The following XPC variants were observed in gnomAD, a reference collection of about 807,000 sequenced individuals.
XPC encodes XPC complex subunit, DNA damage recognition and repair factor, also known as DNA repair protein complementing XP-C cells.
A neutral mutation model predicts 95.8 loss-of-function variants in XPC; 76 were observed. The ratio of observed to expected loss-of-function variants is 0.79; its 90% confidence interval spans 0.66 to 0.96. XPC has a LOEUF of 0.96. XPC is among the 40% of genes least tolerant of loss of function. XPC has a pLI of 0.00. For missense variants in XPC, 1,146 were observed against 1,179.8 expected, an observed-to-expected ratio of 0.97 and a Z score of 0.42; for synonymous variants, 442 against 442.1, an observed-to-expected ratio of 1.00 and a Z score of 0.00.
In XPC at chr3:14,158,293, C is replaced by T. The variant is rs1425274164; in HGVS notation, c.1590G>A (p.Gln530=). ...AEKRSIAGID[Q]WLEVFCEQEE... The stretch of plus-strand genomic sequence containing the variant: ...CCTGCTCACAGAACACCTCTAGCCA[C>T]TGGTCTATACCAGCTATGCTTCTTT... Residue 530 remains glutamine (Q), a synonymous_variant, in exon 9 of 16, where the codon CAG becomes CAA. Transcript: ENST00000285021. The surrounding 1 kb of genome is among the most constrained non-coding windows in gnomAD (Gnocchi z 5.2). 2 of 1,614,066 alleles carry T rather than the reference C, an allele frequency of 1.2e-6. No individual in the cohort carries two copies. The highest frequency in any genetic ancestry group is 2.2e-5 in the East Asian group (1 of 44,878).
In XPC at chr3:14,150,168, G is replaced by A. The variant is rs540481994; in HGVS notation, c.2116-1220C>T. Among the ~76,000 whole-genome samples, 4 of 152,364 alleles carry A rather than the reference G, an allele frequency of 2.6e-5. No homozygotes were observed. The East Asian group carries it at 7.7e-4, about 29-fold the overall frequency. ...GGCCAAGGCCAAGATCTTCCCTGGG[G>A]AGTGAAGTGGTGAGAGGGGCGCAGG... is the stretch of plus-strand genomic sequence containing the variant. On this transcript the variant is annotated intron_variant, in intron 11 of 15. Coordinates refer to ENST00000285021, the MANE Select transcript of XPC (RefSeq NM_004628.5).
chr3:14,176,191 G>C (rs1391772865), intron 1 of XPC, among the ~76,000 whole-genome samples: 3 of 152,192 alleles, frequency 2.0e-5, no homozygotes, highest in Non-Finnish European at 4.4e-5. Context: ...CTGGAACCGA[G>C]GTGAAGTGTT....
At chr3:14,163,708 G>C (rs558665970) in intron 7 of XPC, among the ~76,000 whole-genome samples, 1 of 152,266 alleles carries the variant, frequency 6.6e-6, no homozygotes, top group South Asian at 2.1e-4. Context: ...TGTACTAAAT[G>C]GTCACTGAAT....
chr3:14,158,295 G>T lies in XPC; in HGVS notation c.1588C>A (p.Gln530Lys). The stretch of plus-strand genomic sequence containing the variant: ...TGCTCACAGAACACCTCTAGCCACT[G>T]GTCTATACCAGCTATGCTTCTTTTT... ...AEKRSIAGID[Q>K]WLEVFCEQEE... Residue 530 changes from glutamine (Q) to lysine (K), a missense_variant, in exon 9 of 16, where the codon CAG (glutamine) becomes AAG (lysine). Transcript: ENST00000285021. This position sits in a 1 kb window ranked among gnomAD's most constrained non-coding sequence, Gnocchi z 5.2. 6.2e-7 allele frequency: 1 copy of T among 1,613,994 alleles called. No individual in the cohort carries two copies. The highest frequency in any genetic ancestry group is 1.1e-5 in the South Asian group (1 of 91,084).
In XPC at chr3:14,145,702, CA is replaced by C; in HGVS notation, c.*238del. The C allele has an allele frequency of 1.4e-6, 1 of 701,902 alleles. No individual in the cohort carries two copies. The highest frequency in any genetic ancestry group is 2.6e-6 in the Non-Finnish European group (1 of 387,176). The allele number at this position is 701,902 out of a possible 1,614,324, so 43.5% of individuals were successfully genotyped here. ...TCAAAGGGTGAGTGGGCTTTGGTAG[CA>C]AAAAGCTTTGAAGGCTTCACCCTGG... On this transcript the variant is annotated 3_prime_UTR_variant, in exon 16 of 16. Coordinates refer to ENST00000285021, the MANE Select transcript of XPC (RefSeq NM_004628.5).
intron 11 of XPC, chr3:14,149,399 A>G: frequency 6.1e-6 from 1 of 163,024 alleles, no homozygotes; most frequent in Non-Finnish European, 1.3e-5. Flanking sequence ...CCCTTTTCTT[A>G]CTACAAGCAC....
chr3:14,168,408 T>C, intron 3 of XPC, 28 bp from the exon 4 acceptor site: 1 of 1,612,388 alleles, frequency 6.2e-7, no homozygotes, highest in South Asian at 1.1e-5. Context: ...TAAAAATCAG[T>C]AATAGTAATA....
chr3:14,165,717 AAC>A, intron 5 of XPC, 132 bp from the exon 6 acceptor site: 1 of 1,104,036 alleles, frequency 9.1e-7, no homozygotes, highest in Non-Finnish European at 1.3e-6. Flanking sequence ...AGAAAGTAAA[AAC>A]ACTAGCATTG....
At position 14,156,495 on chromosome 3, in the gene XPC, A is replaced by C; in HGVS notation, c.1873T>G (p.Phe625Val). 6.2e-7 allele frequency: 1 copy of C among 1,613,886 alleles called. No individual in the cohort carries two copies. Among genetic ancestry groups the C allele is most frequent in the Non-Finnish European group, 8.5e-7 (1 of 1,179,840 alleles). Residue 625 changes from phenylalanine to valine, a missense_variant and splice_region_variant, in exon 10 of 16, where the codon TTT becomes GTT. Phe to Val is a conservative substitution (Grantham distance 50). Coordinates refer to ENST00000285021, the MANE Select transcript of XPC (RefSeq NM_004628.5). ...GGCTGGTCCATGTGTTTAGCCTGAAACTGCAAAGGCCAGACAGACAAGGTT... is the reference window on the plus strand; with the variant it reads ...GGCTGGTCCATGTGTTTAGCCTGAACCTGCAAAGGCCAGACAGACAAGGTT... ...MDREKKEDLE[F>V]QAKHMDQPLP...
At chr3:14,148,502 T>C (rs1695539009) in intron 13 of XPC, 60 bp downstream of exon 13, 1 of 1,590,018 alleles carries the variant, frequency 6.3e-7, no homozygotes, top group Admixed American at 1.8e-5. Context: ...TCCATCCCCA[T>C]CTCTGGAGCC....
At chr3:14,146,830 C>T (rs565648879) in intron 15 of XPC, among the ~76,000 whole-genome samples, 1 of 152,180 alleles carries the variant, frequency 6.6e-6, no homozygotes, top group African/African-American at 2.4e-5. Flanking sequence ...CAGGGAGGGG[C>T]CCCCTTGAGG....
chr3:14,147,280 C>G lies in XPC; in HGVS notation c.2604+10G>C. ...TGAGCTTGTCTTCTCTGCAAAGAAC[C>G]TGCACTGACCTTGGGCCCGTAGCGA... On this transcript the variant is annotated intron_variant, in intron 15 of 15. Coordinates refer to ENST00000285021, the MANE Select transcript of XPC (RefSeq NM_004628.5). 6.2e-7 allele frequency: 1 copy of G among 1,604,614 alleles called. No homozygotes were observed. The highest frequency in any genetic ancestry group is 8.5e-7 in the Non-Finnish European group (1 of 1,175,652).
intron 11 of XPC, among the ~76,000 whole-genome samples, chr3:14,150,637 A>C (rs1695648854): frequency 6.6e-6 from 1 of 152,356 alleles, no homozygotes; most frequent in Admixed American, 6.5e-5. Flanking sequence ...TTAGGAGCTC[A>C]GGCTCCTGCA....
chr3:14,148,081 A>G, intron 13 of XPC, 80 bp from the exon 14 acceptor site: 1 of 1,247,682 alleles, frequency 8.0e-7, no homozygotes, highest in Admixed American at 2.1e-5. Flanking sequence ...TGTGGAAGAC[A>G]GTGGGCCACA....
intron 10 of XPC, among the ~76,000 whole-genome samples, chr3:14,154,887 TACC>T (rs1214636491): frequency 3.7e-5 from 4 of 108,726 alleles, no homozygotes; most frequent in South Asian, 3.0e-4. Context: ...ATAAATATTT[TACC>T]ACAATAAAAA....
Position 14,156,413 on chromosome 3 carries a change from T to G in XPC, c.1955A>C (p.His652Pro), listed in dbSNP as rs1695908747. 6.2e-7 allele frequency: 1 copy of G among 1,613,862 alleles called. No individual in the cohort carries two copies. The highest frequency in any genetic ancestry group is 8.5e-7 in the Non-Finnish European group (1 of 1,179,890). ...ATAGATGGCCTCATATTTCAGGAGA[T>G]GCCGCTTCAGGGCATACAGAGGGTG... ...KNHPLYALKR[H>P]LLKYEAIYPE... Residue 652 changes from histidine to proline, a missense_variant, in exon 10 of 16, where the codon CAT (histidine) becomes CCT (proline). His to Pro is a moderately conservative substitution (Grantham distance 77). Transcript: ENST00000285021.
At chr3:14,152,312 A>G (rs1257684712) in intron 11 of XPC, 23 bp downstream of exon 11, 1 of 1,607,144 alleles carries the variant, frequency 6.2e-7, no homozygotes, top group Non-Finnish European at 8.5e-7. Context: ...CACTCCCCAC[A>G]GGGACCCCCC....
chr3:14,158,124 G>A lies in XPC; in HGVS notation c.1759C>T (p.Pro587Ser), dbSNP rs1462722182. ...TTGCGGGTCACTGTCATCCAGACTG[G>A]GTCGTACCTCTGTGTGACATCTCGG... ...WVRDVTQRYD[P>S]VWMTVTRKCR... Residue 587 changes from proline to serine, a missense_variant, in exon 9 of 16, where the codon CCA becomes TCA. Transcript: ENST00000285021. The surrounding 1 kb of genome is among the most constrained non-coding windows in gnomAD (Gnocchi z 5.2). The A allele has an allele frequency of 6.2e-7, 1 of 1,613,866 alleles. No individual in the cohort carries two copies. Among genetic ancestry groups the A allele is most frequent in the Admixed American group, 1.7e-5 (1 of 60,006 alleles).
chr3:14,172,723 T>C (rs1696659869), intron 2 of XPC, 144 bp downstream of exon 2: 6 of 908,896 alleles, frequency 6.6e-6, no homozygotes, highest in Non-Finnish European at 9.4e-6. Context: ...TTCCAGCTCT[T>C]ACCGGTCTGA....
Sources: allele counts gnomAD v4.1 joint callset (sites outside exome capture counted in the v4.1 genomes callset), GRCh38; gene constraint gnomAD v4.1.1; non-coding constraint Gnocchi (gnomAD v3.1); transcripts MANE v1.5; gene names NCBI Gene and HGNC (gene_info 2026-07-23, HGNC 2026-07-21).